ERBB4: variants seen among roughly 807,000 people sequenced by gnomAD.
The protein encoded by ERBB4 is erb-b2 receptor tyrosine kinase 4.
In ERBB4, 42 loss-of-function variants were observed where a neutral mutation model predicts 158.0. The ratio of observed to expected loss-of-function variants is 0.27; its 90% CI spans 0.21 to 0.34. The LOEUF (loss-of-function observed/expected upper bound fraction) is 0.34. Among genes scored for constraint, ERBB4 ranks in the 10% least tolerant of loss-of-function variants. The pLI is 1.00. For missense variants in ERBB4, 1,333 were observed against 1,624.1 expected (o/e 0.82, Z 3.08); for synonymous variants, 583 against 558.7 (o/e 1.04, Z -0.61).
chr2:211,875,095 C>CA (rs2078464132), intron 3 of ERBB4, among the ~76,000 whole-genome samples: 1 of 93,292 alleles, frequency 1.1e-5, no homozygotes, highest in Non-Finnish European at 2.2e-5. Flanking sequence ...ATGCAGATAA[C>CA]GTTTTTTTTT....
chr2:211,444,604 A>G (rs930220765), intron 20 of ERBB4, among the ~76,000 whole-genome samples: 2 of 152,098 alleles, frequency 1.3e-5, no homozygotes, highest in African/African-American at 4.8e-5. Flanking sequence ...TACAGGAGGA[A>G]AGACAAATTT....
At chr2:211,485,051 C>A in intron 20 of ERBB4, among the ~76,000 whole-genome samples, 1 of 152,076 alleles carries the variant, frequency 6.6e-6, no homozygotes, top group Non-Finnish European at 1.5e-5. Flanking sequence ...TCCATCAGAC[C>A]ATCCACATGG....
chr2:211,952,871 T>C (rs1575427544), intron 2 of ERBB4, among the ~76,000 whole-genome samples: 1 of 152,036 alleles, frequency 6.6e-6, no homozygotes, highest in Middle Eastern at 3.4e-3. Flanking sequence ...GCAGACAATC[T>C]GAGCAGAAAA....
intron 16 of ERBB4, among the ~76,000 whole-genome samples, chr2:211,639,024 T>A (rs575672088): frequency 2.9e-4 from 44 of 152,292 alleles, no homozygotes; most frequent in Non-Finnish European, 5.7e-4. Flanking sequence ...ACAACTAAAG[T>A]GTTGAAAACG....
At chr2:211,462,450 A>T (rs1403777092) in intron 20 of ERBB4, among the ~76,000 whole-genome samples, 4 of 152,316 alleles carry the variant, frequency 2.6e-5, no homozygotes, top group Non-Finnish European at 5.9e-5. Flanking sequence ...AATAGTCTCA[A>T]GGCCAGTTTC....
chr2:212,166,776 G>A (rs982453108), intron 1 of ERBB4, among the ~76,000 whole-genome samples: 1 of 151,994 alleles, frequency 6.6e-6, no homozygotes, highest in Non-Finnish European at 1.5e-5. Context: ...AGAGGCCTCA[G>A]AAATAACACC....
At chr2:212,471,732 C>T (rs1417919445) in intron 1 of ERBB4, among the ~76,000 whole-genome samples, 2 of 151,832 alleles carry the variant, frequency 1.3e-5, no homozygotes, top group African/African-American at 4.8e-5. Flanking sequence ...AAAGAAGATT[C>T]AAAGTTACAT....
chr2:211,566,832 T>A (rs1482810249), intron 19 of ERBB4, among the ~76,000 whole-genome samples: 2 of 152,196 alleles, frequency 1.3e-5, no homozygotes, highest in Non-Finnish European at 2.9e-5. Flanking sequence ...TGTTATTTCT[T>A]TTTTGGTGGC....
At chr2:211,607,865 ATTTTT>A (rs1553589856) in intron 19 of ERBB4, among the ~76,000 whole-genome samples, 3 of 74,230 alleles carry the variant, frequency 4.0e-5, no homozygotes, top group Middle Eastern at 7.9e-3. Flanking sequence ...TTCGCATCAG[ATTTTT>A]TTTTTTTTTT....
chr2:212,179,308 T>C lies in ERBB4; in HGVS notation c.83-54405A>G, dbSNP rs1011526291. On this transcript the variant is annotated intron_variant, in intron 1 of 27. Transcript: ENST00000342788. ...CATTTTCTCATTTAGAAATTCCTCC[T>C]GCATACACAGTCCAATCCAGAAAAC... 5.4e-5 allele frequency among the ~76,000 whole-genome samples: 8 copies of C among 148,668 alleles called. No individual in the cohort carries two copies. In the Admixed American group the frequency reaches 5.5e-4, roughly 10 times the overall value.
intron 2 of ERBB4, among the ~76,000 whole-genome samples, chr2:212,075,455 T>C (rs1016256132): frequency 6.6e-6 from 1 of 151,948 alleles, no homozygotes; most frequent in African/African-American, 2.4e-5. Flanking sequence ...TCTTCAGCAT[T>C]TCTCGGAATG....
At chr2:211,842,733 T>C (rs974301694) in intron 3 of ERBB4, among the ~76,000 whole-genome samples, 22 of 152,174 alleles carry the variant, frequency 1.4e-4, no homozygotes, top group African/African-American at 5.1e-4. Context: ...TTTAATTCTC[T>C]ATTTTGAATA....
At chr2:211,953,077 A>G (rs1439630963) in intron 2 of ERBB4, among the ~76,000 whole-genome samples, 1 of 152,076 alleles carries the variant, frequency 6.6e-6, no homozygotes. Flanking sequence ...ATGGCTGTGG[A>G]ATGGAATGGA....
chr2:211,748,793 GATATCT>G (rs1427006742), intron 5 of ERBB4, among the ~76,000 whole-genome samples: 1 of 152,134 alleles, frequency 6.6e-6, no homozygotes, highest in Non-Finnish European at 1.5e-5. Flanking sequence ...ATGACCAGTG[GATATCT>G]AGCACTTTCA....
rs114294123 is a variant in ERBB4, at chr2:211,506,231, C to T, written c.2487+55672G>A. Reference sequence around the variant, plus strand: ...TAAGATTTAAGTATCCCAAATATAGCACCCAACACTGGAGCACCCAGATTC... The same window carrying T: ...TAAGATTTAAGTATCCCAAATATAGTACCCAACACTGGAGCACCCAGATTC... On this transcript the variant is annotated intron_variant, in intron 20 of 27. Transcript: ENST00000342788. 7.9e-3 allele frequency among the ~76,000 whole-genome samples: 1,198 copies of T among 152,070 alleles called. 21 individuals carry two copies. The highest frequency in any genetic ancestry group is 0.027 in the African/African-American group (1,139 of 41,498).
intron 1 of ERBB4, among the ~76,000 whole-genome samples, chr2:212,423,402 T>C (rs997296338): frequency 5.9e-5 from 9 of 152,150 alleles, no homozygotes; most frequent in African/African-American, 1.9e-4. Context: ...AAGAAGACCA[T>C]GTATAGAGGT....
chr2:211,968,150 A>G (rs1270918959), intron 2 of ERBB4, among the ~76,000 whole-genome samples: 3 of 152,034 alleles, frequency 2.0e-5, no homozygotes, highest in African/African-American at 7.2e-5. Flanking sequence ...TTTTCCCTTC[A>G]AACTGAACAT....
At chr2:212,227,735 T>C (rs928214908) in intron 1 of ERBB4, among the ~76,000 whole-genome samples, 2 of 152,070 alleles carry the variant, frequency 1.3e-5, no homozygotes, top group Non-Finnish European at 2.9e-5. Flanking sequence ...AAAATCCAAA[T>C]TGTTTTTATC....
chr2:211,789,897 A>C (rs979207545), intron 3 of ERBB4, among the ~76,000 whole-genome samples: 1 of 152,050 alleles, frequency 6.6e-6, no homozygotes, highest in African/African-American at 2.4e-5. Flanking sequence ...CCTCCAGATT[A>C]GTTTTGATAT....
Sources: allele counts gnomAD v4.1 joint callset (sites outside exome capture counted in the v4.1 genomes callset), GRCh38; gene constraint gnomAD v4.1.1; transcripts MANE v1.5; gene names NCBI Gene and HGNC (gene_info 2026-07-23, HGNC 2026-07-21).